The following PDE10A variants were observed in gnomAD, a reference collection of about 807,000 sequenced individuals.
PDE10A encodes the protein cAMP and cAMP-inhibited cGMP 3',5'-cyclic phosphodiesterase 10A.
A neutral mutation model predicts 97.7 loss-of-function variants in PDE10A; 39 were observed. That is an observed-to-expected ratio of 0.40 (90% CI 0.31 to 0.52). The LOEUF (loss-of-function observed/expected upper bound fraction) is 0.52. Among genes scored for constraint, PDE10A ranks in the 20% least tolerant of loss-of-function variants. The probability of loss-of-function intolerance (pLI) is 0.56; values close to 1 mark genes in which losing one functional copy is unlikely to be tolerated. For missense variants in PDE10A, 731 were observed against 1,047.8 expected, an observed-to-expected ratio of 0.70 and a Z score of 4.17; for synonymous variants, 371 against 376.8, an observed-to-expected ratio of 0.98 and a Z score of 0.18.
intron 17 of PDE10A, among the ~76,000 whole-genome samples, chr6:165,380,900 T>C (rs927404670): frequency 6.6e-6 from 1 of 152,256 alleles, no homozygotes. Context: ...GCATCAACAC[T>C]GAATGCCTGT....
At position 165,448,413 on chromosome 6, in the gene PDE10A, G is replaced by C. The variant is rs113784416; in HGVS notation, c.1194+515C>G. Among the ~76,000 whole-genome samples the C allele has an allele frequency of 3.4e-4, 52 of 152,272 alleles. 2 individuals are homozygous for C. Among genetic ancestry groups the C allele is most frequent in the African/African-American group, 1.2e-3 (51 of 41,560 alleles). On this transcript the variant is annotated intron_variant, in intron 5 of 21. Transcript: ENST00000539869. ...GGCCTGGTGGCAGAAGACTGGAACA[G>C]CCACAGCTGAGAATCCCCATTCCTT...
intron 1 of PDE10A, among the ~76,000 whole-genome samples, chr6:165,676,396 A>G (rs1790796377): frequency 6.6e-6 from 1 of 152,242 alleles, no homozygotes; most frequent in Non-Finnish European, 1.5e-5. Context: ...AACATTTTCA[A>G]CAGTAAGAAA....
chr6:165,926,366 T>A (rs939101812), intron 1 of PDE10A, among the ~76,000 whole-genome samples: 10 of 152,224 alleles, frequency 6.6e-5, no homozygotes, highest in African/African-American at 1.2e-4. Flanking sequence ...TAAATATGTA[T>A]GTCTCCTTTA....
intron 1 of PDE10A, among the ~76,000 whole-genome samples, chr6:165,560,613 G>A (rs1394849334): frequency 6.6e-6 from 1 of 152,146 alleles, no homozygotes; most frequent in East Asian, 1.9e-4. Flanking sequence ...TCTAAAAATT[G>A]AATTACTTTT....
chr6:165,352,607 A>G (rs185391276), intron 18 of PDE10A, among the ~76,000 whole-genome samples: 181 of 152,310 alleles, frequency 1.2e-3, no homozygotes, highest in African/African-American at 4.1e-3. Flanking sequence ...TTATAGTTCC[A>G]TTTTTAACAA....
intron 1 of PDE10A, among the ~76,000 whole-genome samples, chr6:165,925,218 C>A (rs1352478166): frequency 6.6e-6 from 1 of 152,016 alleles, no homozygotes; most frequent in Non-Finnish European, 1.5e-5. Context: ...TGTCACAATA[C>A]AAAAAATAAA....
chr6:165,524,751 T>C (rs761623939), intron 2 of PDE10A, among the ~76,000 whole-genome samples: 3 of 152,102 alleles, frequency 2.0e-5, no homozygotes, highest in Admixed American at 6.5e-5. Flanking sequence ...TAACCTGCAA[T>C]GAAAGATGCA....
intron 1 of PDE10A, among the ~76,000 whole-genome samples, chr6:165,721,272 T>A (rs1792161932): frequency 6.6e-6 from 1 of 152,172 alleles, no homozygotes; most frequent in African/African-American, 2.4e-5. Flanking sequence ...GTTCATCCCT[T>A]CCCCTGAACC....
chr6:165,625,773 C>T lies in PDE10A; in HGVS notation c.865+36174G>A, dbSNP rs184094597. On this transcript the variant is annotated intron_variant, in intron 1 of 21. Coordinates refer to ENST00000539869, the MANE Select transcript of PDE10A (RefSeq NM_001385079.1). The stretch of plus-strand genomic sequence containing the variant: ...TTCTGCCATGATTGTGAGGCCTCCG[C>T]AGCCACATGGAACTGTGAGTCCAGT... Among the ~76,000 whole-genome samples, 300 of 152,320 alleles carry T rather than the reference C, an allele frequency of 2.0e-3. 2 individuals carry two copies. The highest frequency in any genetic ancestry group is 6.8e-3 in the African/African-American group (284 of 41,576).
intron 1 of PDE10A, among the ~76,000 whole-genome samples, chr6:165,840,070 C>A (rs1780215788): frequency 1.1e-3 from 1 of 942 alleles, no homozygotes; most frequent in Admixed American, 0.012. Flanking sequence ...ATCTTCATCT[C>A]CATCCCCACC....
intron 2 of PDE10A, among the ~76,000 whole-genome samples, chr6:165,519,702 C>G (rs1406647159): frequency 6.6e-6 from 1 of 152,178 alleles, no homozygotes; most frequent in Non-Finnish European, 1.5e-5. Context: ...AGCTTTCTTT[C>G]AAGCTATGAA....
intron 1 of PDE10A, among the ~76,000 whole-genome samples, chr6:165,585,319 A>T (rs1785844305): frequency 1.3e-5 from 2 of 152,220 alleles, no homozygotes; most frequent in South Asian, 4.1e-4. Context: ...GGCCAGTTTT[A>T]TGTGGGAACT....
In PDE10A at chr6:165,403,799, C is replaced by G. The variant is rs1786877349; in HGVS notation, c.2077-7340G>C. ...CACTGTCATGAGATCTACTTTTTAGCTCCCATAAGTGAGTCAGACGTGTGA... is the reference window on the plus strand; with the variant it reads ...CACTGTCATGAGATCTACTTTTTAGGTCCCATAAGTGAGTCAGACGTGTGA... On this transcript the variant is annotated intron_variant, in intron 13 of 21. Coordinates refer to ENST00000539869, the MANE Select transcript of PDE10A (RefSeq NM_001385079.1). Among the ~76,000 whole-genome samples the G allele has an allele frequency of 1.3e-5, 2 of 152,126 alleles. 1 individual carries two copies. The highest frequency in any genetic ancestry group is 4.1e-4 in the South Asian group (2 of 4,824).
intron 1 of PDE10A, among the ~76,000 whole-genome samples, chr6:165,720,405 C>T (rs1792136268): frequency 6.6e-6 from 1 of 152,198 alleles, no homozygotes; most frequent in South Asian, 2.1e-4. Flanking sequence ...AGAGGTTTTG[C>T]TGAGAGCGGA....
intron 2 of PDE10A, among the ~76,000 whole-genome samples, chr6:165,513,617 T>A (rs899028268): frequency 6.6e-6 from 1 of 152,118 alleles, no homozygotes; most frequent in Non-Finnish European, 1.5e-5. Context: ...AAATTATGGA[T>A]CAATTTGGGG....
chr6:165,691,874 C>T (rs1791310720), intron 1 of PDE10A, among the ~76,000 whole-genome samples: 1 of 152,220 alleles, frequency 6.6e-6, no homozygotes, highest in East Asian at 1.9e-4. Flanking sequence ...ACCATTTCAT[C>T]TTACGCTTTT....
In PDE10A at chr6:165,907,329, G is replaced by GT. The variant is rs571650681; in HGVS notation, c.-615+80199dup. Among the ~76,000 whole-genome samples, 48 of 152,350 alleles carry GT rather than the reference G, an allele frequency of 3.2e-4. No individual in the cohort carries two copies. In the South Asian group the frequency reaches 9.5e-3, roughly 30 times the overall value. ...AGAGGTGGGTAACACTGTTCCCAGCGTGGAAGGCCAGGGGCATAGAGGCTG... is the reference window on the plus strand; with the variant it reads ...AGAGGTGGGTAACACTGTTCCCAGCGTTGGAAGGCCAGGGGCATAGAGGCTG... On this transcript the variant is annotated intron_variant, in intron 1 of 19. Transcript: ENST00000366882.
intron 2 of PDE10A, among the ~76,000 whole-genome samples, chr6:165,483,432 A>T (rs887528455): frequency 1.3e-5 from 2 of 152,226 alleles, no homozygotes. Flanking sequence ...CTAAGAATGT[A>T]ACACATGTAA....
intron 3 of PDE10A, among the ~76,000 whole-genome samples, chr6:165,458,744 C>T (rs1315716641): frequency 6.6e-6 from 1 of 152,136 alleles, no homozygotes; most frequent in East Asian, 1.9e-4. Flanking sequence ...AGTTGGTGTG[C>T]CCCTTTATTC....
Sources: allele counts gnomAD v4.1 joint callset (sites outside exome capture counted in the v4.1 genomes callset), GRCh38; gene constraint gnomAD v4.1.1; transcripts MANE v1.5; gene names NCBI Gene and HGNC (gene_info 2026-07-23, HGNC 2026-07-21).